The following SMIM22 variants were observed in gnomAD, a reference collection of about 807,000 sequenced individuals.
SMIM22 encodes the protein small integral membrane protein 22.
SMIM22 carries 16 observed loss-of-function variants against 8.4 expected under a neutral mutation model. The observed-to-expected ratio is 1.90, with a 90% CI of 1.29 to 2.89. SMIM22 has a LOEUF of 2.89. Ranked by LOEUF, SMIM22 falls within the 30% of genes most tolerant of loss-of-function variation. The pLI is 0.00. For synonymous variants in SMIM22, 67 were observed against 47.6 expected (o/e 1.41, Z -1.68); for missense variants, 159 against 107.5 (o/e 1.48, Z -2.12).
upstream of SMIM22, among the ~76,000 whole-genome samples, chr16:4,792,259 C>T (rs534420981): frequency 1.3e-4 from 19 of 150,544 alleles, no homozygotes; most frequent in South Asian, 2.1e-3. Flanking sequence ...GGCGTGATCT[C>T]GGCTCACTGC....
intron 1 of SMIM22, 113 bp from the exon 2 acceptor site, chr16:4,795,602 G>C: frequency 7.6e-7 from 1 of 1,316,144 alleles, no homozygotes; most frequent in Non-Finnish European, 1.0e-6. Flanking sequence ...GAGGGGGTGG[G>C]GAAGCTGGCG....
chr16:4,792,072 G>T (rs1354209789), upstream of SMIM22, among the ~76,000 whole-genome samples: 4 of 152,108 alleles, frequency 2.6e-5, no homozygotes, highest in Non-Finnish European at 5.9e-5. Flanking sequence ...ACAAACATTA[G>T]AAACAAGGTA....
chr16:4,789,323 CCTTTTTTT>C (rs939030922), intron 2 of SMIM22, among the ~76,000 whole-genome samples: 7 of 150,890 alleles, frequency 4.6e-5, no homozygotes, highest in Admixed American at 1.3e-4. Context: ...TTTCTTTTTT[CCTTTTTTT>C]CTTTTTTTTT....
upstream of SMIM22, among the ~76,000 whole-genome samples, chr16:4,793,801 G>C (rs1380154859): frequency 2.0e-5 from 3 of 152,184 alleles, no homozygotes; most frequent in Non-Finnish European, 4.4e-5. Context: ...TCTTGAGATG[G>C]AGTCTTGCTC....
chr16:4,794,885 C>T (rs2082608144), upstream of SMIM22: 2 of 152,184 alleles, frequency 1.3e-5, no homozygotes, highest in African/African-American at 4.8e-5. Context: ...ATAAGTAATC[C>T]AGAGATGATT....
At position 4,796,286 on chromosome 16, in the gene SMIM22, G is replaced by A; in HGVS notation, c.*55G>A. 6.5e-7 allele frequency: 1 copy of A among 1,527,842 alleles called. No individual in the cohort carries two copies. Among genetic ancestry groups the A allele is most frequent in the Non-Finnish European group, 8.8e-7 (1 of 1,141,628 alleles). 94.6% of individuals were successfully genotyped at this position (1,527,842 alleles called of 1,614,324 possible). A position where few individuals can be genotyped will look rare whatever the true frequency, so the allele number is the denominator to read the frequency against. ...AAAGCCTTCTGTCTGCCCAGAGCCTGAGTCTGCAGTGTCTTCCAGTCCCCG... is the reference window on the plus strand; with the variant it reads ...AAAGCCTTCTGTCTGCCCAGAGCCTAAGTCTGCAGTGTCTTCCAGTCCCCG... On this transcript the variant is annotated 3_prime_UTR_variant, in exon 4 of 4. Coordinates refer to ENST00000586005, the MANE Select transcript of SMIM22 (RefSeq NM_001253794.2).
intron 2 of SMIM22, chr16:4,789,985 G>C (rs2082526683): frequency 6.6e-6 from 1 of 151,008 alleles, no homozygotes; most frequent in Non-Finnish European, 1.5e-5. Context: ...CACAATGACA[G>C]CTCACTGCAG....
upstream of SMIM22, among the ~76,000 whole-genome samples, chr16:4,792,216 A>G (rs1400617024): frequency 1.3e-5 from 2 of 150,964 alleles, no homozygotes; most frequent in Non-Finnish European, 3.0e-5. Context: ...TTTGAGACAG[A>G]GTCTCGCTCT....
upstream of SMIM22, among the ~76,000 whole-genome samples, chr16:4,791,883 C>T (rs138102337): frequency 5.4e-3 from 819 of 151,894 alleles, 8 homozygotes; most frequent in African/African-American, 0.019. Flanking sequence ...AGACGGGTTT[C>T]GCCATGTTGG....
At chr16:4,793,747 A>T (rs1274563935), upstream of SMIM22, among the ~76,000 whole-genome samples, 2 of 151,980 alleles carry the variant, frequency 1.3e-5, no homozygotes, top group Non-Finnish European at 2.9e-5. Flanking sequence ...ACAATTATTT[A>T]CCTAGCATAC....
At chr16:4,793,956 G>C (rs1322200325), upstream of SMIM22, among the ~76,000 whole-genome samples, 1 of 150,654 alleles carries the variant, frequency 6.6e-6, no homozygotes, top group Non-Finnish European at 1.5e-5. Flanking sequence ...TATTTTTTTT[G>C]AGATAGTCTT....
intron 2 of SMIM22, 34 bp from the exon 3 acceptor site, chr16:4,795,910 AGGTT>A: frequency 6.5e-7 from 1 of 1,529,174 alleles, no homozygotes; most frequent in Non-Finnish European, 8.7e-7. Context: ...CCTGGGCTCC[AGGTT>A]GGGGCCACAC....
At chr16:4,791,700 T>A (rs1237814727), upstream of SMIM22, among the ~76,000 whole-genome samples, 3 of 152,122 alleles carry the variant, frequency 2.0e-5, no homozygotes, top group Non-Finnish European at 4.4e-5. Context: ...GTCTTTTTTG[T>A]TTTCTGAGAC....
Position 4,796,383 on chromosome 16 carries a change from A to G in SMIM22, c.*152A>G. 1.2e-6 allele frequency: 1 copy of G among 868,728 alleles called. No homozygotes were observed. The highest frequency in any genetic ancestry group is 1.7e-6 in the Non-Finnish European group (1 of 574,006). 53.8% of individuals were successfully genotyped at this position (868,728 alleles called of 1,614,324 possible). On this transcript the variant is annotated 3_prime_UTR_variant, in exon 4 of 4. Transcript: ENST00000586005. Reference sequence around the variant, plus strand: ...TGGCCTCTCCAAGCCTTCAGTCAGCACGACTGTGCCAGGTCATCCTCAGTC... The same window carrying G: ...TGGCCTCTCCAAGCCTTCAGTCAGCGCGACTGTGCCAGGTCATCCTCAGTC...
Position 4,795,419 on chromosome 16 carries a change from C to T in SMIM22, c.-51C>T, listed in dbSNP as rs1346439798. 1 of 364,844 alleles carries T rather than the reference C, an allele frequency of 2.7e-6. No homozygotes were observed. The highest frequency in any genetic ancestry group is 2.1e-5 in the African/African-American group (1 of 46,836). 22.6% of individuals were successfully genotyped at this position (364,844 alleles called of 1,614,324 possible). ...AGCAGCCTGTGCTCCCCAGGACCTG[C>T]CTGGTTGGGGGAATTGGAGGCTTCT... On this transcript the variant is annotated 5_prime_UTR_variant, in exon 1 of 4. Coordinates refer to ENST00000586005, the MANE Select transcript of SMIM22 (RefSeq NM_001253794.2).
intron 2 of SMIM22, among the ~76,000 whole-genome samples, chr16:4,789,025 T>C (rs2082506178): frequency 6.6e-6 from 1 of 152,244 alleles, no homozygotes; most frequent in African/African-American, 2.4e-5. Context: ...TTTCTTTTTT[T>C]GTTGTTTGTT....
upstream of SMIM22, among the ~76,000 whole-genome samples, chr16:4,791,549 C>T (rs986195287): frequency 1.3e-5 from 2 of 152,160 alleles, no homozygotes. Flanking sequence ...GGGAACGTTA[C>T]TCAAGCTCAC....
At chr16:4,793,775 T>G (rs550832354), upstream of SMIM22, among the ~76,000 whole-genome samples, 6 of 139,140 alleles carry the variant, frequency 4.3e-5, no homozygotes, top group African/African-American at 1.6e-4. Context: ...TAAATAAATA[T>G]ATGTATACAA....
chr16:4,794,548 G>C (rs4360941), upstream of SMIM22, among the ~76,000 whole-genome samples: 18 of 151,974 alleles, frequency 1.2e-4, 1 homozygote, highest in East Asian at 3.1e-3. Flanking sequence ...AGCCTCCCTA[G>C]TAGCTGGGAT....
Sources: allele counts gnomAD v4.1 joint callset (sites outside exome capture counted in the v4.1 genomes callset), GRCh38; gene constraint gnomAD v4.1.1; transcripts MANE v1.5; gene names NCBI Gene and HGNC (gene_info 2026-07-23, HGNC 2026-07-21).